Variants in MGAT5 observed in about 807,000 individuals in gnomAD.
The protein encoded by MGAT5 is alpha-1,6-mannosylglycoprotein 6-beta-N-acetylglucosaminyltransferase A.
In MGAT5, 30 loss-of-function variants were observed where a neutral mutation model predicts 94.3. The ratio of observed to expected loss-of-function variants is 0.32; its 90% CI spans 0.24 to 0.43. The LOEUF (loss-of-function observed/expected upper bound fraction) is 0.43, where lower values mean the gene tolerates loss of function less well. Ranked by LOEUF, MGAT5 falls within the 20% of genes least tolerant of loss-of-function variation. The probability of loss-of-function intolerance (pLI) is 1.00; values close to 1 mark genes in which losing one functional copy is unlikely to be tolerated. For missense variants in MGAT5, 691 were observed against 905.5 expected (o/e 0.76, Z 3.04); for synonymous variants, 310 against 322.9 (o/e 0.96, Z 0.43).
At chr2:134,175,870 A>G (rs954572456) in intron 1 of MGAT5, among the ~76,000 whole-genome samples, 24 of 152,124 alleles carry the variant, frequency 1.6e-4, no homozygotes, top group African/African-American at 5.6e-4. Context: ...AGGCAGGTGG[A>G]GGTGCTTCCT....
At chr2:134,352,440 G>C (rs111232841) in intron 9 of MGAT5, among the ~76,000 whole-genome samples, 1 of 152,156 alleles carries the variant, frequency 6.6e-6, no homozygotes, top group East Asian at 1.9e-4. Flanking sequence ...AAGAGCCAAC[G>C]TGCAGGACAA....
chr2:134,189,609 T>TTTTTTTTTTTTTTTTTTG (rs1558978202), intron 1 of MGAT5, among the ~76,000 whole-genome samples: 1 of 134,072 alleles, frequency 7.5e-6, no homozygotes, highest in Non-Finnish European at 1.6e-5. Context: ...TTTGTTTTTT[T>TTTTTTTTTTTTTTTTTTG]TTTTTTTTTT....
At chr2:134,309,909 A>C (rs1686549108) in intron 2 of MGAT5, among the ~76,000 whole-genome samples, 1 of 152,240 alleles carries the variant, frequency 6.6e-6, no homozygotes, top group Non-Finnish European at 1.5e-5. Context: ...AGAGGGTATG[A>C]CAAAAGGAGG....
At chr2:134,235,494 G>C (rs538459390) in intron 1 of MGAT5, among the ~76,000 whole-genome samples, 1 of 152,198 alleles carries the variant, frequency 6.6e-6, no homozygotes, top group Non-Finnish European at 1.5e-5. Flanking sequence ...TGGAGAGAGA[G>C]AAGAGCCACA....
intron 4 of MGAT5, among the ~76,000 whole-genome samples, chr2:134,318,989 TG>T (rs1353538206): frequency 6.6e-6 from 1 of 152,160 alleles, no homozygotes; most frequent in Admixed American, 6.5e-5. Context: ...AAAATAGACG[TG>T]AGATTTGCCA....
rs556525970 is a variant in MGAT5 at position 134,167,162 on chromosome 2, A to G, written c.-143+46871A>G. 2.6e-5 allele frequency among the ~76,000 whole-genome samples: 4 copies of G among 152,380 alleles called. No individual in the cohort carries two copies. The East Asian group carries it at 7.7e-4, about 29-fold the overall frequency. Reference sequence around the variant, plus strand: ...ATTTGTTCCTGTAATTACATCAGAAATAACAGGCAGCAGTCACCTTCCATT... The same window carrying G: ...ATTTGTTCCTGTAATTACATCAGAAGTAACAGGCAGCAGTCACCTTCCATT... On this transcript the variant is annotated intron_variant, in intron 1 of 16. Coordinates refer to the MGAT5 transcript ENST00000409645.
Position 134,449,722 on chromosome 2 carries a change from C to T in MGAT5, c.*875C>T, listed in dbSNP as rs1574129402. The T allele has an allele frequency of 1.3e-5, 2 of 152,276 alleles. No homozygotes were observed. The highest frequency in any genetic ancestry group is 4.8e-5 in the African/African-American group (2 of 41,526). The allele number at this position is 152,276 out of a possible 1,614,324, so 9.4% of individuals were successfully genotyped here. On this transcript the variant is annotated 3_prime_UTR_variant, in exon 16 of 16. Transcript: ENST00000281923. ...GGTAAACTCACCCTCCCTCCAGCCC[C>T]GCTATGAGGAGGAAAGTAGAGATGA... is the stretch of plus-strand genomic sequence containing the variant.
intron 4 of MGAT5, among the ~76,000 whole-genome samples, chr2:134,334,547 G>C (rs899495822): frequency 1.1e-4 from 16 of 140,284 alleles, no homozygotes; most frequent in Admixed American, 9.7e-4. Context: ...ATGGGGTGAG[G>C]TTAAAGATCT....
intron 1 of MGAT5, among the ~76,000 whole-genome samples, chr2:134,171,978 A>AGG (rs1474142138): frequency 6.6e-6 from 1 of 152,188 alleles, no homozygotes; most frequent in Non-Finnish European, 1.5e-5. Flanking sequence ...CATAATCCTG[A>AGG]GGGGACATCT....
chr2:134,280,426 C>T (rs1041773352), intron 2 of MGAT5, among the ~76,000 whole-genome samples: 2 of 152,136 alleles, frequency 1.3e-5, no homozygotes, highest in Non-Finnish European at 1.5e-5. Context: ...CACCCGAGGA[C>T]GACATGTCTG....
chr2:134,138,528 T>C (rs567441631), intron 1 of MGAT5, among the ~76,000 whole-genome samples: 1 of 152,328 alleles, frequency 6.6e-6, no homozygotes, highest in South Asian at 2.1e-4. Context: ...GTGGAAAATA[T>C]AGGTCCTGTC....
intron 10 of MGAT5, among the ~76,000 whole-genome samples, chr2:134,365,804 C>A (rs181840589): frequency 6.6e-6 from 1 of 152,112 alleles, no homozygotes; most frequent in East Asian, 1.9e-4. Flanking sequence ...TATCAACATA[C>A]TTACTAAAAT....
rs552290159 is a variant in MGAT5 at position 134,216,291 on chromosome 2, A to G, written c.-142-37971A>G. 5.9e-5 allele frequency among the ~76,000 whole-genome samples: 9 copies of G among 152,208 alleles called. No individual in the cohort carries two copies. The East Asian group carries it at 1.5e-3, about 26-fold the overall frequency. ...TATACAGGGCCAGTCAGTGGGTGAA[A>G]GATGGCTAAGTCTGAAGCTTGTTCA... On this transcript the variant is annotated intron_variant, in intron 1 of 16. Transcript: ENST00000409645.
intron 2 of MGAT5, among the ~76,000 whole-genome samples, chr2:134,293,902 A>G (rs749305348): frequency 2.0e-5 from 3 of 152,194 alleles, no homozygotes; most frequent in Non-Finnish European, 4.4e-5. Context: ...CTCCTCATAC[A>G]GAAGTGTGTG....
chr2:134,160,393 C>T (rs570098233), intron 1 of MGAT5, among the ~76,000 whole-genome samples: 3 of 152,180 alleles, frequency 2.0e-5, no homozygotes, highest in African/African-American at 7.2e-5. Context: ...AGGATGGTCT[C>T]GACCTCCTGA....
intron 4 of MGAT5, among the ~76,000 whole-genome samples, chr2:134,329,836 A>C (rs921047891): frequency 6.6e-6 from 1 of 152,074 alleles, no homozygotes; most frequent in Non-Finnish European, 1.5e-5. Context: ...ATATTAATCA[A>C]CTCAGGTGTT....
At chr2:134,363,661 C>T (rs1469207415) in intron 10 of MGAT5, among the ~76,000 whole-genome samples, 1 of 152,230 alleles carries the variant, frequency 6.6e-6, no homozygotes, top group Non-Finnish European at 1.5e-5. Flanking sequence ...GGGATGGCCC[C>T]TGGCACAAAA....
intron 2 of MGAT5, among the ~76,000 whole-genome samples, chr2:134,271,749 A>T (rs1308667978): frequency 2.0e-5 from 3 of 152,252 alleles, no homozygotes; most frequent in Non-Finnish European, 2.9e-5. Flanking sequence ...TAATTACAAC[A>T]CAGAGGCAGT....
intron 10 of MGAT5, among the ~76,000 whole-genome samples, chr2:134,398,064 A>G (rs1174061782): frequency 1.3e-5 from 2 of 152,182 alleles, no homozygotes; most frequent in African/African-American, 4.8e-5. Flanking sequence ...GAGCTGCCAC[A>G]GGCTGAGTAT....
Sources: allele counts gnomAD v4.1 joint callset (sites outside exome capture counted in the v4.1 genomes callset), GRCh38; gene constraint gnomAD v4.1.1; transcripts MANE v1.5; gene names NCBI Gene and HGNC (gene_info 2026-07-23, HGNC 2026-07-21).